Variants in CMTM8 observed in about 807,000 individuals in gnomAD.
CMTM8 encodes CKLF like MARVEL transmembrane domain containing 8, also known as CKLF-like MARVEL transmembrane domain-containing protein 8.
A neutral mutation model predicts 18.6 loss-of-function variants in CMTM8; 12 were observed. The observed-to-expected ratio is 0.65, with a 90% CI of 0.41 to 1.05. CMTM8 has a LOEUF of 1.05. Ranked by LOEUF, CMTM8 falls within the 50% of genes least tolerant of loss-of-function variation. The pLI is 0.00. For missense variants in CMTM8, 217 were observed against 227.2 expected (o/e 0.95, Z 0.29); for synonymous variants, 87 against 90.6 (o/e 0.96, Z 0.23).
chr3:32,329,680 A>C (rs1696232875), intron 1 of CMTM8, among the ~76,000 whole-genome samples: 3 of 152,338 alleles, frequency 2.0e-5, no homozygotes, highest in East Asian at 1.9e-4. Flanking sequence ...GTGGTATAAA[A>C]AAGCTTTTTG....
Position 32,259,014 on chromosome 3 carries a change from GC to G in CMTM8, c.147+19896del, listed in dbSNP as rs567076219. On this transcript the variant is annotated intron_variant, in intron 1 of 3. Coordinates refer to ENST00000307526, the MANE Select transcript of CMTM8 (RefSeq NM_178868.5). The stretch of plus-strand genomic sequence containing the variant: ...GCTCTGTCCAGGGGCCCAGCTACTG[GC>G]ATCCAGCCAGTCAGCAGTGCAGCAA... The G allele has an allele frequency of 6.3e-3, 2,126 of 339,310 alleles. 10 individuals carry two copies. Among genetic ancestry groups the G allele is most frequent in the Non-Finnish European group, 7.7e-3 (1,360 of 176,426 alleles). 21.0% of individuals were successfully genotyped at this position (339,310 alleles called of 1,614,324 possible).
intron 1 of CMTM8, among the ~76,000 whole-genome samples, chr3:32,349,176 A>G (rs1307658957): frequency 1.3e-5 from 2 of 151,874 alleles, no homozygotes; most frequent in African/African-American, 4.8e-5. Flanking sequence ...TGCTTTCTTC[A>G]TAGATCCAAT....
At chr3:32,345,217 C>T (rs780419067) in intron 1 of CMTM8, among the ~76,000 whole-genome samples, 15 of 151,756 alleles carry the variant, frequency 9.9e-5, no homozygotes, top group Non-Finnish European at 2.9e-5. Context: ...GGTGTAGTCT[C>T]ACCTACTTAC....
chr3:32,328,370 CAAAAAA>C (rs796201249), intron 1 of CMTM8, among the ~76,000 whole-genome samples: 17 of 74,788 alleles, frequency 2.3e-4, no homozygotes, highest in African/African-American at 6.8e-4. Context: ...ACCCTGTCTC[CAAAAAA>C]AAAAAAAAAA....
chr3:32,327,056 C>A (rs1433539098), intron 1 of CMTM8, among the ~76,000 whole-genome samples: 1 of 151,710 alleles, frequency 6.6e-6, no homozygotes, highest in Non-Finnish European at 1.5e-5. Context: ...GCATGGCTTC[C>A]TTAGTTGTCC....
intron 1 of CMTM8, among the ~76,000 whole-genome samples, chr3:32,315,870 A>G (rs1695917786): frequency 6.6e-6 from 1 of 152,128 alleles, no homozygotes; most frequent in African/African-American, 2.4e-5. Context: ...AGAAACCCAG[A>G]TGCCTCTCAT....
intron 1 of CMTM8, among the ~76,000 whole-genome samples, chr3:32,268,647 T>A (rs1010776399): frequency 9.9e-5 from 15 of 152,144 alleles, no homozygotes; most frequent in African/African-American, 3.6e-4. Flanking sequence ...ACGAGTTCAT[T>A]TAGTCTATGT....
intron 1 of CMTM8, among the ~76,000 whole-genome samples, chr3:32,335,735 T>C (rs1019044720): frequency 6.6e-6 from 1 of 152,124 alleles, no homozygotes; most frequent in African/African-American, 2.4e-5. Context: ...TGAAAGAAGG[T>C]CTGATAACCC....
chr3:32,319,342 G>A (rs1435945888), intron 1 of CMTM8, among the ~76,000 whole-genome samples: 1 of 151,456 alleles, frequency 6.6e-6, no homozygotes, highest in East Asian at 1.9e-4. Context: ...GCCTCCCAAA[G>A]TCCTGGGATT....
intron 2 of CMTM8, among the ~76,000 whole-genome samples, chr3:32,365,026 C>T (rs372420540): frequency 1.6e-4 from 24 of 152,074 alleles, no homozygotes; most frequent in East Asian, 1.5e-3. Flanking sequence ...CCTCCTGGGC[C>T]ATGTGGAGAA....
At chr3:32,275,447 ACTT>A (rs1286137139) in intron 1 of CMTM8, among the ~76,000 whole-genome samples, 1 of 151,986 alleles carries the variant, frequency 6.6e-6, no homozygotes, top group Admixed American at 6.6e-5. Context: ...AATAATACCC[ACTT>A]CTTAAGATTA....
chr3:32,327,166 C>T (rs1395142172), intron 1 of CMTM8, among the ~76,000 whole-genome samples: 1 of 151,368 alleles, frequency 6.6e-6, no homozygotes, highest in Non-Finnish European at 1.5e-5. Flanking sequence ...CAGGTATAAT[C>T]CAGGAAAACT....
chr3:32,258,317 T>A (rs565333610), intron 1 of CMTM8, among the ~76,000 whole-genome samples: 107 of 152,310 alleles, frequency 7.0e-4, no homozygotes, highest in African/African-American at 2.6e-3. Flanking sequence ...CGTATTTTTT[T>A]AATTTGGGAG....
chr3:32,240,761 G>T (rs1391381375), intron 1 of CMTM8, among the ~76,000 whole-genome samples: 2 of 152,066 alleles, frequency 1.3e-5, no homozygotes, highest in African/African-American at 2.4e-5. Context: ...TTTTATTTTT[G>T]ACAGAGCTAA....
rs544499821 is a variant in CMTM8, at chr3:32,326,758, C to T, written c.148-30615C>T. 4.6e-5 allele frequency among the ~76,000 whole-genome samples: 7 copies of T among 152,242 alleles called. No individual in the cohort carries two copies. The East Asian group carries it at 1.4e-3, about 29-fold the overall frequency. ...CTCAAACTCCTGACCTCAAGTGATC[C>T]ACCTACCTTGGCCTCCCAAAGTGCT... On this transcript the variant is annotated intron_variant, in intron 1 of 3. Coordinates refer to ENST00000307526, the MANE Select transcript of CMTM8 (RefSeq NM_178868.5).
intron 1 of CMTM8, among the ~76,000 whole-genome samples, chr3:32,300,017 C>G (rs1695584389): frequency 6.6e-6 from 1 of 152,216 alleles, no homozygotes; most frequent in Admixed American, 6.5e-5. Context: ...GCCAGCACCT[C>G]TATAACAAAA....
At chr3:32,344,823 A>G (rs2125591363) in intron 1 of CMTM8, among the ~76,000 whole-genome samples, 1 of 152,218 alleles carries the variant, frequency 6.6e-6, no homozygotes, top group Middle Eastern at 3.4e-3. Context: ...TGAGCCCAGG[A>G]GGTCGAGGCT....
At chr3:32,348,921 A>T (rs946437200) in intron 1 of CMTM8, among the ~76,000 whole-genome samples, 4 of 152,018 alleles carry the variant, frequency 2.6e-5, no homozygotes, top group East Asian at 3.9e-4. Context: ...CGATTTTATC[A>T]TGCAGCATTT....
intron 1 of CMTM8, chr3:32,259,963 G>T: frequency 8.8e-7 from 1 of 1,134,320 alleles, no homozygotes. Context: ...ACGGGATCCT[G>T]CTGCACCTGG....
Sources: allele counts gnomAD v4.1 joint callset (sites outside exome capture counted in the v4.1 genomes callset), GRCh38; gene constraint gnomAD v4.1.1; transcripts MANE v1.5; gene names NCBI Gene and HGNC (gene_info 2026-07-23, HGNC 2026-07-21).